The following RYK variants were observed in gnomAD, a reference collection of about 807,000 sequenced individuals.
RYK encodes inactive tyrosine-protein kinase RYK.
In RYK, 21 loss-of-function variants were observed where a neutral mutation model predicts 70.2. The observed-to-expected ratio is 0.30, with a 90% CI of 0.21 to 0.43. The LOEUF (loss-of-function observed/expected upper bound fraction) is 0.43, where lower values mean the gene tolerates loss of function less well. Ranked by LOEUF, RYK falls within the 20% of genes least tolerant of loss-of-function variation. The pLI, the probability that RYK is intolerant of heterozygous loss-of-function variation, is 1.00. For missense variants in RYK, 604 were observed against 753.3 expected (o/e 0.80, Z 2.32); for synonymous variants, 267 against 278.0 (o/e 0.96, Z 0.39).
At chr3:134,159,071 G>A (rs999808365) in intron 14 of RYK, among the ~76,000 whole-genome samples, 166 bp downstream of exon 14, 5 of 152,094 alleles carry the variant, frequency 3.3e-5, no homozygotes, top group African/African-American at 1.2e-4. Context: ...AAGAGTGAAC[G>A]AATCTCCCTG....
At chr3:134,172,787 G>A (rs2012964200) in intron 13 of RYK, among the ~76,000 whole-genome samples, 1 of 152,104 alleles carries the variant, frequency 6.6e-6, no homozygotes, top group Non-Finnish European at 1.5e-5. Context: ...TCAGAGCTCT[G>A]GAAAAACAGA....
intron 7 of RYK, among the ~76,000 whole-genome samples, chr3:134,192,353 TAAC>T (rs2013669269): frequency 6.6e-6 from 1 of 152,072 alleles, no homozygotes; most frequent in Non-Finnish European, 1.5e-5. Flanking sequence ...TATAGTCTCA[TAAC>T]ACACCAACTT....
chr3:134,202,849 G>A lies in RYK; in HGVS notation c.669C>T (p.Thr223=), dbSNP rs2014069457. 1 of 1,613,432 alleles carries A rather than the reference G, an allele frequency of 6.2e-7. No individual in the cohort carries two copies. The highest frequency in any genetic ancestry group is 8.5e-7 in the Non-Finnish European group (1 of 1,179,712). Residue 223 remains threonine (T), a synonymous_variant, in exon 6 of 15, where the codon ACC becomes ACT. Coordinates refer to ENST00000623711, the MANE Select transcript of RYK (RefSeq NM_002958.4). ...TAATATAAAACACACGCGTAGAAGTGGTTGGAGCTGCATGTACAGGATCAT... is the reference window on the plus strand; with the variant it reads ...TAATATAAAACACACGCGTAGAAGTAGTTGGAGCTGCATGTACAGGATCAT... ...TIYDPVHAAP[T]TSTRVFYISV... is the part of the protein sequence containing the mutation.
chr3:134,205,497 G>GA (rs948535818), intron 5 of RYK, among the ~76,000 whole-genome samples: 1 of 152,102 alleles, frequency 6.6e-6, no homozygotes, highest in African/African-American at 2.4e-5. Flanking sequence ...GGGAGGGACA[G>GA]AAAAAAATTC....
chr3:134,204,805 G>A (rs193044341), intron 5 of RYK, among the ~76,000 whole-genome samples: 14 of 152,290 alleles, frequency 9.2e-5, no homozygotes, highest in African/African-American at 3.1e-4. Flanking sequence ...TTTATCCTAA[G>A]TGAGATGGGG....
At chr3:134,197,571 A>G (rs1033948215) in intron 6 of RYK, among the ~76,000 whole-genome samples, 1 of 152,196 alleles carries the variant, frequency 6.6e-6, no homozygotes, top group South Asian at 2.1e-4. Flanking sequence ...CAGTCGTTAG[A>G]GCAAAAAGGG....
At chr3:134,168,370 C>A (rs1482288603) in intron 13 of RYK, among the ~76,000 whole-genome samples, 1 of 152,112 alleles carries the variant, frequency 6.6e-6, no homozygotes, top group Non-Finnish European at 1.5e-5. Context: ...TGGAACCAAC[C>A]CAAATGTCCA....
At chr3:134,221,842 C>A (rs2014748107) in intron 2 of RYK, among the ~76,000 whole-genome samples, 1 of 152,148 alleles carries the variant, frequency 6.6e-6, no homozygotes, top group Non-Finnish European at 1.5e-5. Context: ...AGAAAACTTA[C>A]CATGTTTGAG....
At chr3:134,177,071 CAAACA>C (rs1263149375) in intron 11 of RYK, among the ~76,000 whole-genome samples, 3 of 6,656 alleles carry the variant, frequency 4.5e-4, no homozygotes, top group Admixed American at 6.9e-3. Context: ...AAACAAAAAA[CAAACA>C]AAAAAAAACC....
intron 6 of RYK, among the ~76,000 whole-genome samples, chr3:134,196,935 GC>G (rs770109847): frequency 1.3e-5 from 2 of 151,990 alleles, no homozygotes; most frequent in African/African-American, 2.4e-5. Flanking sequence ...CTAATGAAAT[GC>G]CCCCCCAGCA....
intron 6 of RYK, among the ~76,000 whole-genome samples, chr3:134,200,791 C>A (rs890471462): frequency 6.6e-6 from 1 of 152,182 alleles, no homozygotes; most frequent in Non-Finnish European, 1.5e-5. Flanking sequence ...TGGTCTGGCT[C>A]TAGAGTCCGT....
intron 1 of RYK, 40 bp downstream of exon 1, chr3:134,250,383 G>C (rs1260781164): frequency 2.3e-6 from 3 of 1,309,714 alleles, no homozygotes; most frequent in Non-Finnish European, 2.9e-6. Context: ...TGCCCCAGCC[G>C]GCCCGACCTG....
At chr3:134,220,411 G>A (rs2107684332) in intron 2 of RYK, among the ~76,000 whole-genome samples, 1 of 152,182 alleles carries the variant, frequency 6.6e-6, no homozygotes, top group South Asian at 2.1e-4. Context: ...AATACTCACT[G>A]ACGTATGGGG....
chr3:134,221,875 T>C (rs758930614), intron 2 of RYK, among the ~76,000 whole-genome samples: 14 of 152,160 alleles, frequency 9.2e-5, no homozygotes, highest in Non-Finnish European at 1.6e-4. Flanking sequence ...TCAGAGGCAA[T>C]GTGAAGAATT....
At chr3:134,178,462 GAA>G (rs201426118) in intron 10 of RYK, 6 of 126,790 alleles carry the variant, frequency 4.7e-5, no homozygotes, top group Non-Finnish European at 5.1e-5. Flanking sequence ...TATCACACAT[GAA>G]AAAAAAAAAA....
At chr3:134,241,479 C>T (rs1035457608) in intron 1 of RYK, among the ~76,000 whole-genome samples, 2 of 152,052 alleles carry the variant, frequency 1.3e-5, no homozygotes, top group Non-Finnish European at 2.9e-5. Context: ...AAGAAAAAAG[C>T]TATTAACTGA....
intron 6 of RYK, among the ~76,000 whole-genome samples, chr3:134,202,352 C>T (rs1043654420): frequency 1.3e-5 from 2 of 152,074 alleles, no homozygotes; most frequent in African/African-American, 4.8e-5. Flanking sequence ...GTGCTCAATA[C>T]ATGTTTACTG....
chr3:134,245,805 A>C (rs1415757753), intron 1 of RYK, among the ~76,000 whole-genome samples: 1 of 152,162 alleles, frequency 6.6e-6, no homozygotes, highest in Non-Finnish European at 1.5e-5. Flanking sequence ...CACTGGCCCC[A>C]AACGAGATGT....
intron 4 of RYK, 96 bp from the exon 5 acceptor site, chr3:134,207,621 A>G (rs1210780030): frequency 2.5e-5 from 19 of 761,688 alleles, no homozygotes; most frequent in South Asian, 2.5e-4. Flanking sequence ...GAACTCAGCA[A>G]CAGGTATGTG....
Sources: allele counts gnomAD v4.1 joint callset (sites outside exome capture counted in the v4.1 genomes callset), GRCh38; gene constraint gnomAD v4.1.1; transcripts MANE v1.5; gene names NCBI Gene and HGNC (gene_info 2026-07-23, HGNC 2026-07-21).